ATF7IP: variants seen among roughly 807,000 people sequenced by gnomAD.
ATF7IP encodes the protein activating transcription factor 7 interacting protein.
Under a neutral mutation model 106.4 loss-of-function variants are expected in ATF7IP, and 23 were observed. That is an observed-to-expected ratio of 0.22 (90% CI 0.16 to 0.31). The LOEUF is 0.31. ATF7IP is among the 10% of genes least tolerant of loss of function. The pLI is 1.00. For missense variants in ATF7IP, 1,334 were observed against 1,524.3 expected (o/e 0.88, Z 2.08); for synonymous variants, 542 against 539.0 (o/e 1.01, Z -0.08).
At chr12:14,375,141 GAA>G (rs151015993) in intron 1 of ATF7IP, among the ~76,000 whole-genome samples, 1 of 140,090 alleles carries the variant, frequency 7.1e-6, no homozygotes. Context: ...AGGTGGAGGT[GAA>G]AAAAAAAAGG....
At chr12:14,443,697 T>G (rs1942817352) in intron 5 of ATF7IP, among the ~76,000 whole-genome samples, 2 of 152,310 alleles carry the variant, frequency 1.3e-5, no homozygotes, top group South Asian at 4.1e-4. Context: ...TGTTGCTATT[T>G]AGAGCTTTGG....
At position 14,498,148 on chromosome 12, in the gene ATF7IP, C is replaced by T. The variant is rs970823229; in HGVS notation, c.*75C>T. ...TTGTTTTTAATCTTGTGCATGATAC[C>T]CCATGTAAAATCCACCTTGTGCAAG... On this transcript the variant is annotated 3_prime_UTR_variant, in exon 15 of 15. Coordinates refer to ENST00000261168, the MANE Select transcript of ATF7IP (RefSeq NM_018179.5). 1.4e-6 allele frequency: 2 copies of T among 1,385,106 alleles called. No individual in the cohort carries two copies. Among genetic ancestry groups the T allele is most frequent in the African/African-American group, 1.4e-5 (1 of 69,192 alleles). The allele number at this position is 1,385,106 out of a possible 1,614,324, so 85.8% of individuals were successfully genotyped here. A position where few individuals can be genotyped will look rare whatever the true frequency, so the allele number is the denominator to read the frequency against.
intron 6 of ATF7IP, among the ~76,000 whole-genome samples, chr12:14,455,422 A>C (rs1168790439): frequency 6.6e-6 from 1 of 152,108 alleles, no homozygotes; most frequent in East Asian, 1.9e-4. Context: ...AGAAGGTTGA[A>C]ATTATTGTTG....
At chr12:14,491,517 T>C (rs1194849582) in intron 13 of ATF7IP, among the ~76,000 whole-genome samples, 1 of 152,188 alleles carries the variant, frequency 6.6e-6, no homozygotes, top group South Asian at 2.1e-4. Flanking sequence ...CTTGCTCACT[T>C]GATCAATCAG....
chr12:14,446,460 T>A (rs924647307), intron 5 of ATF7IP, among the ~76,000 whole-genome samples: 5 of 152,194 alleles, frequency 3.3e-5, no homozygotes, highest in African/African-American at 1.2e-4. Flanking sequence ...GGTAATGTTT[T>A]TATCAGATTG....
chr12:14,400,152 A>G (rs920196570), intron 1 of ATF7IP, among the ~76,000 whole-genome samples: 1 of 152,200 alleles, frequency 6.6e-6, no homozygotes, highest in Non-Finnish European at 1.5e-5. Flanking sequence ...TCAGGTCTAA[A>G]TTGAAAGTCT....
chr12:14,390,382 A>G (rs1349725537), intron 1 of ATF7IP, among the ~76,000 whole-genome samples: 1 of 152,222 alleles, frequency 6.6e-6, no homozygotes, highest in Non-Finnish European at 1.5e-5. Context: ...TGGCATAACA[A>G]CAAGTAACGA....
At chr12:14,439,581 A>C (rs1196153193) in intron 5 of ATF7IP, among the ~76,000 whole-genome samples, 2 of 152,218 alleles carry the variant, frequency 1.3e-5, no homozygotes, top group African/African-American at 2.4e-5. Flanking sequence ...CTGTGAGCTC[A>C]GCACTTTAGG....
rs1440550096 is a variant in ATF7IP at position 14,436,396 on chromosome 12, T to C, written c.1791+145T>C. The C allele has an allele frequency of 3.7e-6, 3 of 814,274 alleles. No homozygotes were observed. The Admixed American group carries it at 8.6e-5, about 23-fold the overall frequency. The allele number at this position is 814,274 out of a possible 1,614,324, so 50.4% of individuals were successfully genotyped here. On this transcript the variant is annotated intron_variant, in intron 4 of 14. Transcript: ENST00000261168. ...AACTTGAAGAAAGTGGTTGAGCTTT[T>C]AAAGTCTATTACTGGCCAGATGTGG...
intron 1 of ATF7IP, among the ~76,000 whole-genome samples, chr12:14,409,602 G>T (rs1940793253): frequency 6.6e-6 from 1 of 151,958 alleles, no homozygotes; most frequent in Non-Finnish European, 1.5e-5. Flanking sequence ...GCCCATTACT[G>T]CAATCCTGCA....
intron 1 of ATF7IP, among the ~76,000 whole-genome samples, chr12:14,387,377 C>A (rs138217665): frequency 6.6e-6 from 1 of 151,038 alleles, no homozygotes; most frequent in Non-Finnish European, 1.5e-5. Flanking sequence ...TTCTTGGTGG[C>A]GAGAGTGGGA....
At chr12:14,482,493 C>T (rs1006894924) in intron 13 of ATF7IP, 2 of 152,224 alleles carry the variant, frequency 1.3e-5, no homozygotes, top group Admixed American at 1.3e-4. Flanking sequence ...CTCTCCATTT[C>T]ATGTTTTTCT....
chr12:14,433,489 G>A (rs778618629), intron 2 of ATF7IP, among the ~76,000 whole-genome samples: 1 of 152,048 alleles, frequency 6.6e-6, no homozygotes, highest in Non-Finnish European at 1.5e-5. Flanking sequence ...TGGCGACAGA[G>A]TGAGACTCTA....
chr12:14,489,415 G>A lies in ATF7IP; in HGVS notation c.3281-6816G>A, dbSNP rs549422140. On this transcript the variant is annotated intron_variant, in intron 13 of 14. Transcript: ENST00000261168. ...AATCATTTTGTCTCCTGGTGTGAGC[G>A]TTCCTCCCTCTGGAACTAAGACCTC... Among the ~76,000 whole-genome samples, 12 of 152,194 alleles carry A rather than the reference G, an allele frequency of 7.9e-5. No homozygotes were observed. The South Asian group carries it at 1.0e-3, about 13-fold the overall frequency.
intron 6 of ATF7IP, among the ~76,000 whole-genome samples, chr12:14,447,698 C>T (rs550883070): frequency 1.3e-5 from 2 of 152,222 alleles, no homozygotes; most frequent in South Asian, 2.1e-4. Context: ...CCAGTATGGT[C>T]TCTTACTATT....
intron 13 of ATF7IP, among the ~76,000 whole-genome samples, chr12:14,489,796 C>T (rs1483346619): frequency 1.3e-5 from 2 of 152,148 alleles, no homozygotes; most frequent in Admixed American, 6.5e-5. Flanking sequence ...CTCAGCCGTA[C>T]AGTGAGTGCC....
intron 1 of ATF7IP, among the ~76,000 whole-genome samples, chr12:14,420,793 TAAC>T (rs1941469103): frequency 6.6e-6 from 1 of 152,194 alleles, no homozygotes; most frequent in Admixed American, 6.5e-5. Context: ...TCAGATCCAT[TAAC>T]AACATTGAGC....
At chr12:14,385,576 A>G (rs190703484) in intron 1 of ATF7IP, among the ~76,000 whole-genome samples, 1 of 152,318 alleles carries the variant, frequency 6.6e-6, no homozygotes, top group East Asian at 1.9e-4. Flanking sequence ...GGTGGGGTCA[A>G]AGGTTAAATT....
intron 1 of ATF7IP, among the ~76,000 whole-genome samples, chr12:14,366,741 C>CTATA (rs1938311798): frequency 6.6e-6 from 1 of 152,078 alleles, no homozygotes; most frequent in African/African-American, 2.4e-5. Context: ...GATATGTAAG[C>CTATA]TATAACATTT....
Sources: allele counts gnomAD v4.1 joint callset (sites outside exome capture counted in the v4.1 genomes callset), GRCh38; gene constraint gnomAD v4.1.1; transcripts MANE v1.5; gene names NCBI Gene and HGNC (gene_info 2026-07-23, HGNC 2026-07-21).